The following SCIN variants were observed in gnomAD, a reference collection of about 807,000 sequenced individuals.
SCIN encodes the protein scinderin.
A neutral mutation model predicts 91.8 loss-of-function variants in SCIN; 91 were observed. The observed-to-expected ratio is 0.99, with a 90% CI of 0.84 to 1.18. The LOEUF (loss-of-function observed/expected upper bound fraction) is 1.18, where lower values mean the gene tolerates loss of function less well. Among genes scored for constraint, SCIN ranks in the 50% most tolerant of loss-of-function variants. SCIN has a pLI of 0.00. For synonymous variants in SCIN, 367 were observed against 312.6 expected, an observed-to-expected ratio of 1.17 and a Z score of -1.84; for missense variants, 1,087 against 863.9, an observed-to-expected ratio of 1.26 and a Z score of -3.24.
intron 8 of SCIN, 99 bp from the exon 9 acceptor site, chr7:12,628,998 GTTGT>G (rs937625059): frequency 1.0e-6 from 1 of 965,242 alleles, no homozygotes; most frequent in African/African-American, 1.7e-5. Flanking sequence ...TAATTTAAAA[GTTGT>G]TTAATAATGG....
chr7:12,578,365 C>T, intron 2 of SCIN, 147 bp downstream of exon 2: 1 of 591,774 alleles, frequency 1.7e-6, no homozygotes, highest in East Asian at 3.2e-5. Flanking sequence ...ATGGATATAT[C>T]CCCAGTACCT....
At chr7:12,572,856 C>T (rs1481978760) in intron 1 of SCIN, among the ~76,000 whole-genome samples, 1 of 152,098 alleles carries the variant, frequency 6.6e-6, no homozygotes, top group Non-Finnish European at 1.5e-5. Context: ...GTACAAGGCA[C>T]TTGTGGATAT....
intron 10 of SCIN, among the ~76,000 whole-genome samples, chr7:12,636,504 G>A (rs1050384957): frequency 6.6e-6 from 1 of 152,136 alleles, no homozygotes; most frequent in Admixed American, 6.6e-5. Context: ...AGGTGTTCAT[G>A]TCCTAATCCT....
In SCIN at chr7:12,657,125, A is replaced by G. The variant is rs1474157183; in HGVS notation, c.*4410A>G. 2.0e-5 allele frequency: 3 copies of G among 151,782 alleles called. No individual in the cohort carries two copies. The highest frequency in any genetic ancestry group is 2.1e-4 in the South Asian group (1 of 4,814). The allele number at this position is 151,782 out of a possible 1,614,324, so 9.4% of individuals were successfully genotyped here. ...TTGTATTTTCTACTAAAATGAACAT[A>G]CACATATCCTATAATCCAGAAATCC... On this transcript the variant is annotated 3_prime_UTR_variant, in exon 16 of 16. Transcript: ENST00000297029.
Position 12,581,179 on chromosome 7 carries a change from C to T in SCIN, c.474C>T (p.Asp158=), listed in dbSNP as rs17283717. The T allele has an allele frequency of 0.36, 556,554 of 1,550,674 alleles. 102,805 individuals carry two copies. Among genetic ancestry groups the T allele is most frequent in the Non-Finnish European group, 0.38 (438,938 of 1,146,254 alleles). The change falls in exon 3 of 16, where the codon GAC becomes GAT. Residue 158 remains aspartate (D), a synonymous_variant. Coordinates refer to ENST00000297029, the MANE Select transcript of SCIN (RefSeq NM_001112706.3). ...VRATEVPLSW[D]SFNKGDCFII... The stretch of plus-strand genomic sequence containing the variant: ...CCACAGAAGTTCCCCTTAGCTGGGA[C>T]AGTTTCAACAAGGGTGACTGCTTCA...
intron 8 of SCIN, among the ~76,000 whole-genome samples, chr7:12,628,839 A>G (rs555011411): frequency 5.1e-4 from 77 of 152,156 alleles, no homozygotes; most frequent in Non-Finnish European, 8.2e-4. Flanking sequence ...CCACTAGTAG[A>G]TGAAACAATA....
intron 4 of SCIN, among the ~76,000 whole-genome samples, chr7:12,617,164 T>C (rs1257615739): frequency 2.6e-5 from 4 of 152,076 alleles, no homozygotes; most frequent in Non-Finnish European, 4.4e-5. Context: ...GAAAGAGTAA[T>C]GCTTTGACCA....
Position 12,629,161 on chromosome 7 carries a change from T to A in SCIN, c.1258T>A (p.Tyr420Asn). ...QVDQNSYGEF[Y>N]GGDCYIILYT... ...TGACCAAAACTCATATGGTGAATTCTATGGTGGTGACTGCTACATCATACT... is the reference window on the plus strand; with the variant it reads ...TGACCAAAACTCATATGGTGAATTCAATGGTGGTGACTGCTACATCATACT... The change falls in exon 9 of 16, where the codon TAT becomes AAT. Residue 420 changes from tyrosine to asparagine, a missense_variant. Physicochemically the swap from Tyr to Asn is moderately radical, Grantham distance 143. Coordinates refer to ENST00000297029, the MANE Select transcript of SCIN (RefSeq NM_001112706.3). The A allele has an allele frequency of 6.2e-7, 1 of 1,613,340 alleles. No homozygotes were observed. The highest frequency in any genetic ancestry group is 8.5e-7 in the Non-Finnish European group (1 of 1,179,430).
In SCIN at chr7:12,651,914, G is replaced by A. The variant is rs759409599; in HGVS notation, c.2020+13G>A. On this transcript the variant is annotated intron_variant, in intron 15 of 15. Transcript: ENST00000297029. This position sits in a 1 kb window ranked among gnomAD's most constrained non-coding sequence, Gnocchi z 5.9. ...TCTCTGAAGTCTGGTAAGCTCAATC[G>A]ATGGACCATTATAGCAGTAACCGGG... 47 of 1,587,998 alleles carry A rather than the reference G, an allele frequency of 3.0e-5. No homozygotes were observed. The highest frequency in any genetic ancestry group is 1.7e-4 in the Middle Eastern group (1 of 6,032).
intron 6 of SCIN, among the ~76,000 whole-genome samples, chr7:12,625,357 A>G (rs1698289885): frequency 6.6e-6 from 1 of 152,000 alleles, no homozygotes; most frequent in Non-Finnish European, 1.5e-5. Context: ...GCAATATAAA[A>G]AGAATTGTTT....
Position 12,652,695 on chromosome 7 carries a change from T to G in SCIN, c.2128T>G (p.Trp710Gly). Reference protein sequence around the residue: ...PPTFTGWFLGWDSSKW With the variant: ...PPTFTGWFLGGDSSKW ...CACATTCACAGGCTGGTTCCTGGGC[T>G]GGGATTCCAGCAAGTGGTAAATTGG... Residue 710 changes from tryptophan (W) to glycine (G), a missense_variant, in exon 16 of 16, where the codon TGG becomes GGG. Physicochemically the swap from Trp to Gly is radical, Grantham distance 184. Transcript: ENST00000297029. 1 of 1,604,374 alleles carries G rather than the reference T, an allele frequency of 6.2e-7. No individual in the cohort carries two copies. The highest frequency in any genetic ancestry group is 8.5e-7 in the Non-Finnish European group (1 of 1,176,966).
chr7:12,625,945 C>T (rs953056805), intron 7 of SCIN, 95 bp downstream of exon 7: 24 of 769,558 alleles, frequency 3.1e-5, no homozygotes, highest in South Asian at 9.4e-5. Context: ...GTCAAAGTAA[C>T]GTCTGTATGT....
intron 10 of SCIN, among the ~76,000 whole-genome samples, chr7:12,636,635 A>G (rs1023195489): frequency 1.3e-5 from 2 of 152,180 alleles, no homozygotes; most frequent in Non-Finnish European, 2.9e-5. Flanking sequence ...GGGTGGGCCT[A>G]GCGTAATCAC....
chr7:12,629,086 T>C lies in SCIN; in HGVS notation c.1198-15T>C. On this transcript the variant is annotated splice_polypyrimidine_tract_variant and intron_variant, in intron 8 of 15. Coordinates refer to ENST00000297029, the MANE Select transcript of SCIN (RefSeq NM_001112706.3). ...AGAAAATTGTAATTTGTTGTATATA[T>C]TCCATTCCTTCCAGATTTGGCGTGT... is the stretch of plus-strand genomic sequence containing the variant. 6.2e-7 allele frequency: 1 copy of C among 1,606,126 alleles called. No individual in the cohort carries two copies. Among genetic ancestry groups the C allele is most frequent in the Non-Finnish European group, 8.5e-7 (1 of 1,175,682 alleles).
intron 9 of SCIN, among the ~76,000 whole-genome samples, chr7:12,633,209 TG>T (rs1314472978): frequency 6.6e-6 from 1 of 152,080 alleles, no homozygotes; most frequent in Non-Finnish European, 1.5e-5. Context: ...ACTTGTATGC[TG>T]AAATGACAGG....
chr7:12,628,410 G>T (rs1435751287), intron 8 of SCIN, among the ~76,000 whole-genome samples: 2 of 152,318 alleles, frequency 1.3e-5, no homozygotes, highest in East Asian at 3.9e-4. Flanking sequence ...TGGGCTCAGT[G>T]TTTGGTGGAG....
intron 1 of SCIN, chr7:12,571,428 C>T (rs1337357993): frequency 8.6e-6 from 3 of 350,284 alleles, no homozygotes; most frequent in African/African-American, 6.5e-5. Context: ...CATCTGCCGC[C>T]GCTAGGAAGA....
chr7:12,626,421 G>T, intron 7 of SCIN, 163 bp from the exon 8 acceptor site: 1 of 579,330 alleles, frequency 1.7e-6, no homozygotes, highest in East Asian at 2.9e-5. Flanking sequence ...AAATTCAGCG[G>T]CAATTACTTT....
Position 12,574,617 on chromosome 7 carries a change from C to T in SCIN, c.200-3447C>T, listed in dbSNP as rs368999162. ...CCTGGTTGTGGTGTTCAGTGCTATA[C>T]TGTACTATACATTAATATGTTAAGC... On this transcript the variant is annotated intron_variant, in intron 1 of 15. Transcript: ENST00000297029. Among the ~76,000 whole-genome samples, 53 of 152,202 alleles carry T rather than the reference C, an allele frequency of 3.5e-4. No individual in the cohort carries two copies. The South Asian group carries it at 0.01, about 29-fold the overall frequency.
Sources: gnomAD v4.1 joint callset for allele counts (sites outside exome capture counted in the v4.1 genomes callset) on GRCh38, gnomAD v4.1.1 for gene constraint, Gnocchi (gnomAD v3.1) non-coding constraint, MANE v1.5 for transcripts, NCBI Gene and HGNC (gene_info 2026-07-23, HGNC 2026-07-21) for gene names.